The following PAK6 variants were observed in gnomAD, a reference collection of about 807,000 sequenced individuals.
PAK6 encodes the protein serine/threonine-protein kinase PAK 6.
PAK6 carries 33 observed loss-of-function variants against 60.8 expected under a neutral mutation model. That is an observed-to-expected ratio of 0.54 (90% confidence interval 0.41 to 0.73). The LOEUF (loss-of-function observed/expected upper bound fraction) is 0.73, where lower values mean the gene tolerates loss of function less well. Ranked by LOEUF, PAK6 falls within the 30% of genes least tolerant of loss-of-function variation. PAK6 has a pLI of 0.00. For synonymous variants in PAK6, 404 were observed against 378.5 expected (o/e 1.07, Z -0.78); for missense variants, 845 against 904.1 (o/e 0.93, Z 0.84).
intron 3 of PAK6, chr15:40,256,944 T>TAATCCATCCCTTGTC (rs1343358591): frequency 6.6e-6 from 1 of 152,214 alleles, no homozygotes; most frequent in Non-Finnish European, 1.5e-5. Flanking sequence ...AGAGGTGAAT[T>TAATCCATCCCTTGTC]AATCCATCCC....
intron 3 of PAK6, among the ~76,000 whole-genome samples, chr15:40,255,665 G>T (rs895083487): frequency 1.3e-5 from 2 of 152,190 alleles, no homozygotes; most frequent in South Asian, 4.1e-4. Context: ...CTCAAGTCAC[G>T]TGAAGAGGAG....
intron 3 of PAK6, chr15:40,260,513 A>G (rs1313874776): frequency 6.6e-6 from 1 of 152,168 alleles, no homozygotes; most frequent in Admixed American, 6.5e-5. Flanking sequence ...CCTATTGCCT[A>G]TTTGCCAATT....
At chr15:40,260,520 A>T (rs2038955056) in intron 3 of PAK6, 1 of 152,194 alleles carries the variant, frequency 6.6e-6, no homozygotes, top group Non-Finnish European at 1.5e-5. Flanking sequence ...CCTATTTGCC[A>T]ATTCCATACT....
At chr15:40,247,084 C>T (rs2038515342) in intron 2 of PAK6, 1 of 152,412 alleles carries the variant, frequency 6.6e-6, no homozygotes, top group Non-Finnish European at 1.5e-5. Context: ...ACTCACCTGT[C>T]CTTCCTGAAA....
At chr15:40,249,498 G>A (rs1426087160) in intron 2 of PAK6, among the ~76,000 whole-genome samples, 1 of 152,178 alleles carries the variant, frequency 6.6e-6, no homozygotes, top group Non-Finnish European at 1.5e-5. Flanking sequence ...ACGGGGCCTG[G>A]CCCACGGGAA....
chr15:40,262,159 A>C (rs1028794301), intron 3 of PAK6, among the ~76,000 whole-genome samples: 1 of 152,188 alleles, frequency 6.6e-6, no homozygotes, highest in Non-Finnish European at 1.5e-5. Flanking sequence ...AGGCAGCTCA[A>C]CTAATCCAGG....
chr15:40,242,785 T>TA (rs1452111734), intron 2 of PAK6, among the ~76,000 whole-genome samples: 1 of 152,012 alleles, frequency 6.6e-6, no homozygotes, highest in Non-Finnish European at 1.5e-5. Flanking sequence ...AGATGTGAGA[T>TA]AAAGGGGACC....
At chr15:40,257,676 C>T (rs34099104) in intron 3 of PAK6, among the ~76,000 whole-genome samples, 56 of 152,250 alleles carry the variant, frequency 3.7e-4, no homozygotes, top group Non-Finnish European at 5.4e-4. Flanking sequence ...TGAGGTTTAA[C>T]GGCAGGCATC....
chr15:40,249,997 C>T (rs1478575627), intron 2 of PAK6, among the ~76,000 whole-genome samples: 5 of 152,374 alleles, frequency 3.3e-5, no homozygotes, highest in Middle Eastern at 3.4e-3. Context: ...AAGGTCTGTG[C>T]CAGCAGCCAA....
chr15:40,252,239 T>C (rs1460527338), intron 2 of PAK6: 36 of 1,189,686 alleles, frequency 3.0e-5, no homozygotes, highest in Non-Finnish European at 3.7e-5. Context: ...CTCTGGAGCG[T>C]GCATCTGCGA....
intron 2 of PAK6, among the ~76,000 whole-genome samples, chr15:40,248,850 C>T (rs1314295415): frequency 6.6e-6 from 1 of 152,196 alleles, no homozygotes; most frequent in African/African-American, 2.4e-5. Flanking sequence ...TTCAAACATT[C>T]CATGGCACCA....
chr15:40,271,134 T>G (rs1333041699), intron 5 of PAK6, among the ~76,000 whole-genome samples: 1 of 152,204 alleles, frequency 6.6e-6, no homozygotes, highest in African/African-American at 2.4e-5. Context: ...CTGCATCCCC[T>G]GAAGCATCCC....
chr15:40,244,879 A>G (rs1177694433), intron 2 of PAK6: 1 of 152,224 alleles, frequency 6.6e-6, no homozygotes, highest in Admixed American at 6.5e-5. Flanking sequence ...CCTCAGCCCC[A>G]GCAAAGGGAC....
chr15:40,261,101 G>A (rs890636873), intron 3 of PAK6, among the ~76,000 whole-genome samples: 11 of 151,852 alleles, frequency 7.2e-5, no homozygotes, highest in Non-Finnish European at 1.6e-4. Context: ...TGTTAGCCAG[G>A]ATGATCTCTA....
intron 5 of PAK6, among the ~76,000 whole-genome samples, chr15:40,271,709 C>T (rs548920125): frequency 6.6e-6 from 1 of 151,352 alleles, no homozygotes; most frequent in African/African-American, 2.4e-5. Context: ...GTGTGGCTCC[C>T]CTGCCTTGGT....
intron 10 of PAK6, among the ~76,000 whole-genome samples, chr15:40,275,183 T>C (rs929923263): frequency 6.6e-6 from 1 of 151,766 alleles, no homozygotes; most frequent in Non-Finnish European, 1.5e-5. Context: ...TCTTAAGGCC[T>C]AGAGCAACAA....
At chr15:40,257,213 C>G (rs76556913) in intron 3 of PAK6, 3,874 of 152,646 alleles carry the variant, frequency 0.025, 99 homozygotes, top group East Asian at 0.079. Flanking sequence ...CAGTCGCCCG[C>G]AAATGGCAGG....
rs1374866137 is a variant in PAK6 at position 40,276,096 on chromosome 15, C to T, written c.*2C>T. 7.4e-6 allele frequency: 12 copies of T among 1,612,954 alleles called. No individual in the cohort carries two copies. In the Admixed American group the frequency reaches 1.8e-4, roughly 25 times the overall value. On this transcript the variant is annotated 3_prime_UTR_variant, in exon 11 of 11. Coordinates refer to ENST00000560346, the Ensembl canonical transcript of PAK6. The stretch of plus-strand genomic sequence containing the variant: ...CGAAAGCAGACCTCCACCTGCTGAG[C>T]CCACCCCAAGTATGCCTGCCACCTA...
intron 3 of PAK6, among the ~76,000 whole-genome samples, chr15:40,254,651 C>T (rs1226688895): frequency 6.6e-6 from 1 of 152,226 alleles, no homozygotes; most frequent in African/African-American, 2.4e-5. Flanking sequence ...GAGCAGGTCA[C>T]TTGACTTCTC....
Sources: allele counts gnomAD v4.1 joint callset (sites outside exome capture counted in the v4.1 genomes callset), GRCh38; gene constraint gnomAD v4.1.1; transcripts MANE v1.5; gene names NCBI Gene and HGNC (gene_info 2026-07-23, HGNC 2026-07-21).